Variants in LYRM4 observed in about 807,000 individuals in gnomAD.
The protein encoded by LYRM4 is LYR motif-containing protein 4.
LYRM4 carries 9 observed loss-of-function variants against 11.7 expected under a neutral mutation model. The observed-to-expected ratio is 0.77, with a 90% CI of 0.46 to 1.34. LYRM4 has a LOEUF of 1.34. Ranked by LOEUF, LYRM4 falls within the 40% of genes most tolerant of loss-of-function variation. The pLI is 0.00. For synonymous variants in LYRM4, 42 were observed against 40.4 expected (o/e 1.04, Z -0.15); for missense variants, 133 against 112.5 (o/e 1.18, Z -0.82).
chr6:5,181,854 A>G (rs1581451362), intron 2 of LYRM4, among the ~76,000 whole-genome samples: 1 of 152,162 alleles, frequency 6.6e-6, no homozygotes, highest in African/African-American at 2.4e-5. Context: ...ATGGCCTCTG[A>G]GCTCTAGGTC....
At chr6:5,178,211 G>A (rs1200890275) in intron 2 of LYRM4, among the ~76,000 whole-genome samples, 1 of 152,092 alleles carries the variant, frequency 6.6e-6, no homozygotes, top group African/African-American at 2.4e-5. Context: ...CATCCTTTGA[G>A]GGTAGATTTT....
intron 2 of LYRM4, among the ~76,000 whole-genome samples, chr6:5,197,224 G>A (rs898343138): frequency 1.2e-4 from 18 of 152,166 alleles, no homozygotes; most frequent in African/African-American, 3.6e-4. Context: ...TCATGATAAG[G>A]TAGGCAAGGA....
In LYRM4 at chr6:5,260,776, C is replaced by T. The variant is rs1388997351; in HGVS notation, c.-43G>A. 1 of 1,536,962 alleles carries T rather than the reference C, an allele frequency of 6.5e-7. No homozygotes were observed. The highest frequency in any genetic ancestry group is 2.0e-5 in the Admixed American group (1 of 50,872). ...ATAAACGGGTCCTCTTCGCCGAGGT[C>T]CCAAGTACGACCCAACCCACGAAAC... On this transcript the variant is annotated 5_prime_UTR_variant, in exon 1 of 3. Coordinates refer to ENST00000330636, the MANE Select transcript of LYRM4 (RefSeq NM_020408.6).
chr6:5,127,074 C>A (rs1763730180), intron 2 of LYRM4, among the ~76,000 whole-genome samples: 1 of 152,190 alleles, frequency 6.6e-6, no homozygotes, highest in Admixed American at 6.5e-5. Context: ...CTCAACATCC[C>A]AAGTAGCTGG....
chr6:5,099,284 CCT>C (rs1762427440), downstream of LYRM4, among the ~76,000 whole-genome samples: 2 of 151,716 alleles, frequency 1.3e-5, no homozygotes. This position sits in a 1 kb window ranked among gnomAD's most constrained non-coding sequence, Gnocchi z 4.3. Context: ...CTCACTGCAA[CCT>C]CCACCTCCTG....
At chr6:5,248,002 C>T (rs1764269787) in intron 1 of LYRM4, among the ~76,000 whole-genome samples, 1 of 152,088 alleles carries the variant, frequency 6.6e-6, no homozygotes, top group African/African-American at 2.4e-5. Flanking sequence ...ACACCCAGAT[C>T]CAGGTACCTG....
At chr6:5,215,081 A>C (rs1762199743) in intron 2 of LYRM4, among the ~76,000 whole-genome samples, 1 of 151,584 alleles carries the variant, frequency 6.6e-6, no homozygotes, top group Non-Finnish European at 1.5e-5. Flanking sequence ...TTTCAAACCA[A>C]GAAGTGACAC....
At chr6:5,173,922 T>C (rs1759570974) in intron 2 of LYRM4, among the ~76,000 whole-genome samples, 1 of 152,160 alleles carries the variant, frequency 6.6e-6, no homozygotes, top group African/African-American at 2.4e-5. Context: ...TGGGTTGCTG[T>C]GGTATGAAAA....
intron 2 of LYRM4, among the ~76,000 whole-genome samples, chr6:5,124,231 G>C (rs752170030): frequency 2.0e-5 from 3 of 152,060 alleles, no homozygotes; most frequent in Non-Finnish European, 2.9e-5. Flanking sequence ...CACTTGTAGG[G>C]CTCCACATAC....
chr6:5,183,032 T>C (rs1398823026), intron 2 of LYRM4, among the ~76,000 whole-genome samples: 2 of 152,246 alleles, frequency 1.3e-5, no homozygotes, highest in Admixed American at 6.5e-5. Context: ...GGCACATTTA[T>C]ATTATTTCAT....
downstream of LYRM4, among the ~76,000 whole-genome samples, chr6:5,100,958 G>A (rs1028333875): frequency 2.0e-5 from 3 of 151,954 alleles, no homozygotes; most frequent in Non-Finnish European, 2.9e-5. Flanking sequence ...ACACTGCCCC[G>A]TCCTCTGCCA....
At chr6:5,260,605 C>CCCCGGGG in intron 1 of LYRM4, 43 bp downstream of exon 1, 1 of 822,288 alleles carries the variant, frequency 1.2e-6, no homozygotes, top group Non-Finnish European at 1.9e-6. Context: ...CGGTCCCCGG[C>CCCCGGGG]CCCTGGCCCC....
chr6:5,244,156 T>C (rs189490666), intron 1 of LYRM4, among the ~76,000 whole-genome samples: 101 of 152,340 alleles, frequency 6.6e-4, no homozygotes, highest in Non-Finnish European at 1.2e-3. Context: ...CCACTGTGTT[T>C]CCACTTTCAG....
At chr6:5,091,065 G>C in the LYRM4 span, among the ~76,000 whole-genome samples, 1 of 152,178 alleles carries the variant, frequency 6.6e-6, no homozygotes, top group East Asian at 1.9e-4. Context: ...CAGGTTTGTA[G>C]ATTAAAAGAA....
chr6:5,176,211 T>C (rs1759712053), intron 2 of LYRM4, among the ~76,000 whole-genome samples: 1 of 151,972 alleles, frequency 6.6e-6, no homozygotes, highest in Non-Finnish European at 1.5e-5. Flanking sequence ...ACTACAAGCA[T>C]GTGCCACCAT....
the LYRM4 span, among the ~76,000 whole-genome samples, chr6:5,080,573 G>A: frequency 6.6e-6 from 1 of 152,178 alleles, no homozygotes; most frequent in African/African-American, 2.4e-5. Flanking sequence ...CATCCGAACC[G>A]GGAGCACCTG....
Position 5,108,734 on chromosome 6 carries a change from T to A in LYRM4, c.*689A>T. 1.0e-6 allele frequency: 1 copy of A among 954,416 alleles called. No homozygotes were observed. Among genetic ancestry groups the A allele is most frequent in the Non-Finnish European group, 1.2e-6 (1 of 801,250 alleles). 59.1% of individuals were successfully genotyped at this position (954,416 alleles called of 1,614,324 possible). The stretch of plus-strand genomic sequence containing the variant: ...GGCTGGGGCTCTCTCATTCACCAGG[T>A]GTGGGGAGGGGCTTGAGCCTGCATT... On this transcript the variant is annotated 3_prime_UTR_variant, in exon 3 of 3. Transcript: ENST00000330636.
At chr6:5,153,056 T>G (rs1053223149) in intron 2 of LYRM4, among the ~76,000 whole-genome samples, 1 of 152,194 alleles carries the variant, frequency 6.6e-6, no homozygotes, top group African/African-American at 2.4e-5. Flanking sequence ...CACAATACAC[T>G]AGGCTGTTGG....
At chr6:5,187,727 C>T (rs1760497421) in intron 2 of LYRM4, among the ~76,000 whole-genome samples, 4 of 151,884 alleles carry the variant, frequency 2.6e-5, no homozygotes, top group Admixed American at 2.6e-4. Flanking sequence ...ACGTTGTGCA[C>T]ATGTACCCTA....
Sources: allele counts gnomAD v4.1 joint callset (sites outside exome capture counted in the v4.1 genomes callset), GRCh38; gene constraint gnomAD v4.1.1; non-coding constraint Gnocchi (gnomAD v3.1); transcripts MANE v1.5; gene names NCBI Gene and HGNC (gene_info 2026-07-23, HGNC 2026-07-21).